GOLGA6L10: variants seen among roughly 807,000 people sequenced by gnomAD.
GOLGA6L10 encodes golgin subfamily A member 6-like protein 10.
In GOLGA6L10, 4 loss-of-function variants were observed where a neutral mutation model predicts 56.9. That is an observed-to-expected ratio of 0.07 (90% CI 0.03 to 0.16). The LOEUF (loss-of-function observed/expected upper bound fraction) is 0.16, where lower values mean the gene tolerates loss of function less well. Ranked by LOEUF, GOLGA6L10 falls within the 10% of genes least tolerant of loss-of-function variation. GOLGA6L10 has a pLI of 1.00. For missense variants in GOLGA6L10, 34 were observed against 558.3 expected (o/e 0.06, Z 9.46); for synonymous variants, 11 against 220.9 (o/e 0.05, Z 8.43).
At chr15:82,347,826 A>C (rs2075696695) in intron 1 of GOLGA6L10, among the ~76,000 whole-genome samples, 197 bp from the exon 2 acceptor site, 2 of 152,286 alleles carry the variant, frequency 1.3e-5, no homozygotes, top group Admixed American at 6.5e-5. Context: ...AGATCAAAAA[A>C]GGCAATACTG....
At position 82,345,069 on chromosome 15, in the gene GOLGA6L10, A is replaced by T. The variant is rs2075673402; in HGVS notation, c.791T>A (p.Leu264Gln). Residue 264 changes from leucine to glutamine, a missense_variant, in exon 6 of 9, where the codon CTG becomes CAG. Physicochemically the swap from Leu to Gln is moderately radical, Grantham distance 113 (BLOSUM62 -2). Transcript: ENST00000610657. ...EERLREQEER[L>Q]CEQEERLREQ... ...ACGTAGCCTCTCCTCCTGTTCACAC[A>T]GCCTCTCCTCCTGTTCACGTAGCCT... The T allele has an allele frequency of 8.1e-7, 1 of 1,233,440 alleles. No homozygotes were observed. The highest frequency in any genetic ancestry group is 1.6e-5 in the African/African-American group (1 of 61,418). 76.4% of individuals were successfully genotyped at this position (1,233,440 alleles called of 1,614,324 possible). A position where few individuals can be genotyped will look rare whatever the true frequency, so the allele number is the denominator to read the frequency against.
chr15:82,347,755 G>C lies in GOLGA6L10; in HGVS notation c.85-126C>G. The C allele has an allele frequency of 1.9e-6, 3 of 1,582,922 alleles. No individual in the cohort carries two copies. In the South Asian group the frequency reaches 3.4e-5, roughly 18 times the overall value. On this transcript the variant is annotated intron_variant, in intron 1 of 8. Transcript: ENST00000610657. ...GTAATGCCACCAACAACCGTACAAGGTGTTGTCACAATCAGTGACTGAGAG... is the reference window on the plus strand; with the variant it reads ...GTAATGCCACCAACAACCGTACAAGCTGTTGTCACAATCAGTGACTGAGAG...
intron 7 of GOLGA6L10, among the ~76,000 whole-genome samples, chr15:82,343,589 G>C (rs1480404078): frequency 2.6e-5 from 4 of 151,144 alleles, no homozygotes; most frequent in African/African-American, 9.7e-5. Flanking sequence ...GAGACTTAGA[G>C]ATGCAAAGTA....
chr15:82,346,907 C>T, intron 2 of GOLGA6L10, 21 bp from the exon 3 acceptor site: 1 of 1,444,612 alleles, frequency 6.9e-7, no homozygotes, highest in Non-Finnish European at 9.0e-7. Flanking sequence ...TGAGAGTGCA[C>T]ATGGAGATGT....
rs1567112195 is a variant in GOLGA6L10, at chr15:82,344,982, CACAGCCTCTCCTCCT to C, written c.863_877del (p.Gln288_Cys293delinsArg). On this transcript the variant is annotated inframe_deletion, in exon 6 of 9. Transcript: ENST00000610657. ...TTCACGTAGCCTCTCCTCCTGTTCACACAGCCTCTCCTCCTGTTCACATAGCCTCTCCTCCTGTTC... is the reference window on the plus strand; with the variant it reads ...TTCACGTAGCCTCTCCTCCTGTTCACGTTCACATAGCCTCTCCTCCTGTTC... 2.0e-5 allele frequency: 13 copies of C among 656,992 alleles called. No homozygotes were observed. Among genetic ancestry groups the C allele is most frequent in the East Asian group, 2.2e-4 (1 of 4,590 alleles). 40.7% of individuals were successfully genotyped at this position (656,992 alleles called of 1,614,324 possible).
At chr15:82,345,604 G>A (rs1275665370) in intron 5 of GOLGA6L10, among the ~76,000 whole-genome samples, 178 bp from the exon 6 acceptor site, 95 of 151,196 alleles carry the variant, frequency 6.3e-4, no homozygotes, top group Non-Finnish European at 6.3e-4. Context: ...AGCACTGTGG[G>A]TGGCTGACAA....
chr15:82,346,106 C>T (rs2075685169), intron 4 of GOLGA6L10, among the ~76,000 whole-genome samples: 1 of 151,184 alleles, frequency 6.6e-6, no homozygotes, highest in Admixed American at 6.6e-5. Flanking sequence ...GAGCCCTTGG[C>T]CCTGAGGTTT....
In GOLGA6L10 at chr15:82,340,288, C is replaced by T. The variant is rs1197630121; in HGVS notation, c.*2488G>A. On this transcript the variant is annotated 3_prime_UTR_variant, in exon 9 of 9. Transcript: ENST00000610657. ...TTTTAAGACATTAATTTAACAGTTA[C>T]ATTTTTGAATAGTTATTTGAAAGTG... is the stretch of plus-strand genomic sequence containing the variant. The T allele has an allele frequency of 2.6e-5, 4 of 151,352 alleles. No individual in the cohort carries two copies. The Admixed American group carries it at 2.7e-4, about 10-fold the overall frequency. The allele number at this position is 151,352 out of a possible 1,614,324, so 9.4% of individuals were successfully genotyped here. A position where few individuals can be genotyped will look rare whatever the true frequency, so the allele number is the denominator to read the frequency against.
chr15:82,347,164 CA>C, intron 2 of GOLGA6L10: 1 of 1,420,842 alleles, frequency 7.0e-7, no homozygotes. Flanking sequence ...TGAGGAAAAT[CA>C]AACAGCAACG....
rs1435579835 is a variant in GOLGA6L10 at position 82,348,302 on chromosome 15, C to T, written c.85-673G>A. 2.0e-5 allele frequency among the ~76,000 whole-genome samples: 3 copies of T among 146,944 alleles called. No homozygotes were observed. In the East Asian group the frequency reaches 5.8e-4, roughly 29 times the overall value. On this transcript the variant is annotated intron_variant, in intron 1 of 8. Transcript: ENST00000610657. ...AGATTCAAGCTGTCAAGTTCAGTTTCCCAAGATCTATTCCACAGAAGATGA... is the reference window on the plus strand; with the variant it reads ...AGATTCAAGCTGTCAAGTTCAGTTTTCCAAGATCTATTCCACAGAAGATGA...
At chr15:82,343,843 T>C (rs2075657736) in intron 7 of GOLGA6L10, among the ~76,000 whole-genome samples, 2 of 149,098 alleles carry the variant, frequency 1.3e-5, no homozygotes, top group South Asian at 4.2e-4. Context: ...ATTATTATTA[T>C]TTTTAATTTT....
In GOLGA6L10 at chr15:82,340,430, T is replaced by C. The variant is rs1389908703; in HGVS notation, c.*2346A>G. On this transcript the variant is annotated 3_prime_UTR_variant, in exon 9 of 9. Coordinates refer to ENST00000610657, the MANE Select transcript of GOLGA6L10 (RefSeq NM_001164465.3). ...TTGTTTTTCATTTCAGGAAAACCTATCAGGTTTAATCTATTACTTTAAAAA... is the reference window on the plus strand; with the variant it reads ...TTGTTTTTCATTTCAGGAAAACCTACCAGGTTTAATCTATTACTTTAAAAA... The C allele has an allele frequency of 6.6e-6, 1 of 151,610 alleles. No homozygotes were observed. The highest frequency in any genetic ancestry group is 2.1e-4 in the South Asian group (1 of 4,790). The allele number at this position is 151,610 out of a possible 1,614,324, so 9.4% of individuals were successfully genotyped here.
chr15:82,343,953 C>T (rs1194799767), intron 7 of GOLGA6L10, among the ~76,000 whole-genome samples: 6 of 148,234 alleles, frequency 4.0e-5, no homozygotes, highest in East Asian at 2.0e-4. Context: ...GGATTGCAGG[C>T]GTGAGCCACC....
In GOLGA6L10 at chr15:82,340,668, G is replaced by A. The variant is rs1470602464; in HGVS notation, c.*2108C>T. 5.1e-4 allele frequency: 77 copies of A among 151,144 alleles called. No homozygotes were observed. Among genetic ancestry groups the A allele is most frequent in the African/African-American group, 1.8e-3 (76 of 41,500 alleles). The allele number at this position is 151,144 out of a possible 1,614,324, so 9.4% of individuals were successfully genotyped here. ...GCTGAATGAGGTACTGCAAGAGACT[G>A]CATGCACTTTGAAGAAAGACTTGAG... On this transcript the variant is annotated 3_prime_UTR_variant, in exon 9 of 9. Coordinates refer to ENST00000610657, the MANE Select transcript of GOLGA6L10 (RefSeq NM_001164465.3).
At chr15:82,343,386 C>T (rs1407498445) in intron 7 of GOLGA6L10, among the ~76,000 whole-genome samples, 166 bp from the exon 8 acceptor site, 2 of 149,764 alleles carry the variant, frequency 1.3e-5, no homozygotes, top group Non-Finnish European at 3.0e-5. Flanking sequence ...CCCATGCCTC[C>T]TTCCCTAGCA....
rs1672471265 is a variant in GOLGA6L10, at chr15:82,342,412, C to T, written c.*364G>A. 1 of 343,046 alleles carries T rather than the reference C, an allele frequency of 2.9e-6. No homozygotes were observed. The highest frequency in any genetic ancestry group is 2.3e-5 in the African/African-American group (1 of 44,212). The allele number at this position is 343,046 out of a possible 1,614,324, so 21.3% of individuals were successfully genotyped here. ...GAACAGTTGTGTGCATACAGTGGGT[C>T]TTTGTGTGTTTGAACTCCCACCACA... On this transcript the variant is annotated 3_prime_UTR_variant, in exon 9 of 9. Transcript: ENST00000610657.
At chr15:82,343,769 T>C (rs1167211849) in intron 7 of GOLGA6L10, among the ~76,000 whole-genome samples, 2 of 152,080 alleles carry the variant, frequency 1.3e-5, no homozygotes, top group Non-Finnish European at 1.5e-5. Flanking sequence ...GCTCAAGTGA[T>C]TCTCGTGTCT....
chr15:82,344,942 T>G lies in GOLGA6L10; in HGVS notation c.918A>C (p.Leu306=), dbSNP rs62012750. 9 of 382,178 alleles carry G rather than the reference T, an allele frequency of 2.4e-5. No homozygotes were observed. Among genetic ancestry groups the G allele is most frequent in the Admixed American group, 2.9e-4 (2 of 6,960 alleles). The allele number at this position is 382,178 out of a possible 1,614,324, so 23.7% of individuals were successfully genotyped here. The change falls in exon 6 of 9, where the codon CTA becomes CTC. Residue 306 remains leucine (L), a synonymous_variant. Transcript: ENST00000610657. ...CACATAGCCTCTCCTCCTGTTCACATAGCCTCTCCTCCTGTTCACGTAGCC... is the reference window on the plus strand; with the variant it reads ...CACATAGCCTCTCCTCCTGTTCACAGAGCCTCTCCTCCTGTTCACGTAGCC... ...EERLREQEER[L]CEQEERLCEQ...
At chr15:82,345,492 G>C in intron 5 of GOLGA6L10, 66 bp from the exon 6 acceptor site, 1 of 1,548,076 alleles carries the variant, frequency 6.5e-7, no homozygotes, top group Non-Finnish European at 8.6e-7. Context: ...TCCTCCCTTT[G>C]GTGCACAGCT....
Sources: gnomAD v4.1 joint callset for allele counts (sites outside exome capture counted in the v4.1 genomes callset) on GRCh38, gnomAD v4.1.1 for gene constraint, MANE v1.5 for transcripts, NCBI Gene and HGNC (gene_info 2026-07-23, HGNC 2026-07-21) for gene names.